Variants in GRIK3 observed in about 807,000 individuals in gnomAD.
GRIK3 encodes glutamate ionotropic receptor kainate type subunit 3.
Under a neutral mutation model 102.5 loss-of-function variants are expected in GRIK3, and 29 were observed. The ratio of observed to expected loss-of-function variants is 0.28; its 90% confidence interval spans 0.21 to 0.39. The LOEUF (loss-of-function observed/expected upper bound fraction) is 0.39. Ranked by LOEUF, GRIK3 falls within the 10% of genes least tolerant of loss-of-function variation. GRIK3 has a pLI of 1.00. For synonymous variants in GRIK3, 511 were observed against 504.9 expected, an observed-to-expected ratio of 1.01 and a Z score of -0.16; for missense variants, 908 against 1,252.4, an observed-to-expected ratio of 0.73 and a Z score of 4.15.
In GRIK3 at chr1:36,806,222, G is replaced by T. The variant is rs376711051; in HGVS notation, c.2196C>A (p.Ala732=). 1.2e-6 allele frequency: 2 copies of T among 1,613,912 alleles called. No individual in the cohort carries two copies. The highest frequency in any genetic ancestry group is 1.7e-6 in the Non-Finnish European group (2 of 1,179,884). The change falls in exon 14 of 16, where the codon GCC becomes GCA. Residue 732 remains alanine (A), a synonymous_variant. Transcript: ENST00000373091. The surrounding 1 kb of genome is among the most constrained non-coding windows in gnomAD (Gnocchi z 4.0). The part of the protein sequence containing the change: ...NEEGIQRALT[A]DYALLMESTT... ...TGGACTCCATGAGCAGCGCGTAGTCGGCCGTCAGGGCCCTCTGGATGCCCT... is the reference window on the plus strand; with the variant it reads ...TGGACTCCATGAGCAGCGCGTAGTCTGCCGTCAGGGCCCTCTGGATGCCCT...
At chr1:36,886,647 T>C (rs1041164845) in intron 2 of GRIK3, among the ~76,000 whole-genome samples, 2 of 152,176 alleles carry the variant, frequency 1.3e-5, no homozygotes, top group Admixed American at 1.3e-4. Flanking sequence ...TGGCACTTAA[T>C]TTTTTTATTG....
intron 1 of GRIK3, among the ~76,000 whole-genome samples, chr1:37,021,318 G>T (rs560295509): frequency 6.6e-6 from 1 of 152,212 alleles, no homozygotes; most frequent in South Asian, 2.1e-4. Context: ...GACAGGTAGT[G>T]CTCCTGTAGC....
intron 1 of GRIK3, among the ~76,000 whole-genome samples, chr1:36,913,107 G>A (rs909731164): frequency 6.6e-6 from 1 of 152,172 alleles, no homozygotes; most frequent in Non-Finnish European, 1.5e-5. Flanking sequence ...GTGGATAGGG[G>A]CCATGTGCCT....
intron 1 of GRIK3, among the ~76,000 whole-genome samples, chr1:36,909,281 C>T (rs1450482539): frequency 6.6e-6 from 1 of 150,662 alleles, no homozygotes; most frequent in Non-Finnish European, 1.5e-5. Flanking sequence ...TAAGCAGATA[C>T]TACAAATCAG....
At position 36,801,986 on chromosome 1, in the gene GRIK3, T is replaced by C; in HGVS notation, c.2625A>G (p.Arg875=). Residue 875 remains arginine (R), a synonymous_variant, in exon 16 of 16, where the codon CGA becomes CGG. Coordinates refer to ENST00000373091, the MANE Select transcript of GRIK3 (RefSeq NM_000831.4). ...TGGGAGGCTGAGGCTTGTGCTTGAC[T>C]CGACGCTGGCAGGTAAGGGAGAAAC... ...EIRFSLTCQR[R]VKHKPQPPMM... The C allele has an allele frequency of 6.2e-7, 1 of 1,613,730 alleles. No individual in the cohort carries two copies. The highest frequency in any genetic ancestry group is 1.7e-5 in the Admixed American group (1 of 59,998).
At chr1:36,957,884 C>CA (rs1491133445) in intron 1 of GRIK3, among the ~76,000 whole-genome samples, 7 of 75,584 alleles carry the variant, frequency 9.3e-5, no homozygotes, top group East Asian at 4.8e-4. Flanking sequence ...CTCTGTGCCC[C>CA]TGAGTCTGTG....
chr1:36,970,317 AC>A lies in GRIK3; in HGVS notation c.115+63676del, dbSNP rs202201379. Among the ~76,000 whole-genome samples, 978 of 152,274 alleles carry A rather than the reference AC, an allele frequency of 6.4e-3. 34 individuals are homozygous for A. The East Asian group carries it at 0.099, about 15-fold the overall frequency. ...CACAGGTGATGAGTGGGGCCACCGT[AC>A]CATATCAGGCCTCATTGCCCTCAGG... is the stretch of plus-strand genomic sequence containing the variant. On this transcript the variant is annotated intron_variant, in intron 1 of 15. Transcript: ENST00000373091.
intron 6 of GRIK3, 121 bp from the exon 7 acceptor site, chr1:36,859,372 C>T (rs1241582930): frequency 1.8e-6 from 2 of 1,099,252 alleles, no homozygotes; most frequent in South Asian, 1.5e-5. Context: ...GCGAACAGGC[C>T]CAGAGGCCCT....
Position 36,937,774 on chromosome 1 carries a change from C to T in GRIK3, c.116-46678G>A, listed in dbSNP as rs115363707. On this transcript the variant is annotated intron_variant, in intron 1 of 15. Coordinates refer to ENST00000373091, the MANE Select transcript of GRIK3 (RefSeq NM_000831.4). ...AGGTTTATAATGAACAATCAAGTGTCCCATCAATTCGTAATAGTACAGGGA... is the reference window on the plus strand; with the variant it reads ...AGGTTTATAATGAACAATCAAGTGTTCCATCAATTCGTAATAGTACAGGGA... Among the ~76,000 whole-genome samples the T allele has an allele frequency of 6.1e-3, 929 of 152,302 alleles. 3 individuals carry two copies. Among genetic ancestry groups the T allele is most frequent in the Middle Eastern group, 0.014 (4 of 294 alleles).
At chr1:36,930,303 C>T (rs774317191) in intron 1 of GRIK3, among the ~76,000 whole-genome samples, 5 of 152,132 alleles carry the variant, frequency 3.3e-5, no homozygotes, top group Non-Finnish European at 7.4e-5. Context: ...CCTGCAGGTG[C>T]ACACAAACTT....
At chr1:36,829,126 T>C (rs902809282) in intron 10 of GRIK3, among the ~76,000 whole-genome samples, 1 of 152,230 alleles carries the variant, frequency 6.6e-6, no homozygotes, top group Non-Finnish European at 1.5e-5. Flanking sequence ...ACTGCGTTTC[T>C]GGTTAAGGCA....
rs1454116923 is a variant in GRIK3, at chr1:36,880,501, C to T, written c.550+133G>A. The T allele has an allele frequency of 1.6e-5, 14 of 882,864 alleles. No homozygotes were observed. The highest frequency in any genetic ancestry group is 5.9e-5 in the Admixed American group (3 of 51,008). The allele number at this position is 882,864 out of a possible 1,614,324, so 54.7% of individuals were successfully genotyped here. On this transcript the variant is annotated intron_variant, in intron 3 of 15. Transcript: ENST00000373091. The surrounding 1 kb of genome is among the most constrained non-coding windows in gnomAD (Gnocchi z 5.4). ...GTGCAGGGGTGAACATCAGCATAACCGAGTGGAACTGGGGTATGGAACACA... is the reference window on the plus strand; with the variant it reads ...GTGCAGGGGTGAACATCAGCATAACTGAGTGGAACTGGGGTATGGAACACA...
Position 36,948,657 on chromosome 1 carries a change from G to T in GRIK3, c.116-57561C>A, listed in dbSNP as rs3767086. On this transcript the variant is annotated intron_variant, in intron 1 of 15. Coordinates refer to ENST00000373091, the MANE Select transcript of GRIK3 (RefSeq NM_000831.4). ...CTGGCAAATTATGAGCGCATGTAGG[G>T]CCATCTGTGCACACAGCTCCATGCC... 5.3e-3 allele frequency among the ~76,000 whole-genome samples: 800 copies of T among 152,244 alleles called. 41 individuals carry two copies. The East Asian group carries it at 0.13, about 25-fold the overall frequency.
intron 3 of GRIK3, among the ~76,000 whole-genome samples, chr1:36,874,120 C>A (rs1640886410): frequency 1.3e-5 from 2 of 152,238 alleles, no homozygotes. Flanking sequence ...TCAACTGTTA[C>A]TCTATCTGGA....
At chr1:36,980,422 C>A (rs940801474) in intron 1 of GRIK3, among the ~76,000 whole-genome samples, 3 of 151,536 alleles carry the variant, frequency 2.0e-5, no homozygotes, top group African/African-American at 7.3e-5. Context: ...TCTCTTTGCT[C>A]CTCCCTCTGC....
At chr1:36,941,260 GC>G (rs1166621962) in intron 1 of GRIK3, among the ~76,000 whole-genome samples, 1 of 152,216 alleles carries the variant, frequency 6.6e-6, no homozygotes, top group Non-Finnish European at 1.5e-5. Context: ...ACCTGTGCAT[GC>G]CCACTCCAAG....
intron 7 of GRIK3, among the ~76,000 whole-genome samples, chr1:36,855,939 A>G (rs371010848): frequency 6.6e-6 from 1 of 152,370 alleles, no homozygotes; most frequent in East Asian, 1.9e-4. Context: ...TGAATGATGC[A>G]GGTCTCAAGT....
At chr1:36,969,482 C>G (rs1172869456) in intron 1 of GRIK3, among the ~76,000 whole-genome samples, 2 of 152,220 alleles carry the variant, frequency 1.3e-5, no homozygotes, top group African/African-American at 4.8e-5. Flanking sequence ...ATTTATTTAT[C>G]CATTCATTCA....
At chr1:37,027,808 G>T (rs1275606671) in intron 1 of GRIK3, among the ~76,000 whole-genome samples, 1 of 151,880 alleles carries the variant, frequency 6.6e-6, no homozygotes, top group African/African-American at 2.4e-5. Flanking sequence ...TCAGTCCCTG[G>T]CAGCCACCAT....
Sources: allele counts gnomAD v4.1 joint callset (sites outside exome capture counted in the v4.1 genomes callset), GRCh38; gene constraint gnomAD v4.1.1; non-coding constraint Gnocchi (gnomAD v3.1); transcripts MANE v1.5; gene names NCBI Gene and HGNC (gene_info 2026-07-23, HGNC 2026-07-21).